VLDLR: variants seen among roughly 807,000 people sequenced by gnomAD.
VLDLR encodes very low-density lipoprotein receptor.
Under a neutral mutation model 112.7 loss-of-function variants are expected in VLDLR, and 81 were observed. The observed-to-expected ratio is 0.72, with a 90% CI of 0.60 to 0.86. The LOEUF (loss-of-function observed/expected upper bound fraction) is 0.86. VLDLR is among the 40% of genes least tolerant of loss of function. VLDLR has a pLI of 0.00. For missense variants in VLDLR, 1,237 were observed against 1,099.4 expected (o/e 1.13, Z -1.77); for synonymous variants, 436 against 384.8 (o/e 1.13, Z -1.56).
Position 2,652,647 on chromosome 9 carries a change from C to G in VLDLR, c.2417-133C>G, listed in dbSNP as rs78532680. The G allele has an allele frequency of 1.8e-3, 2,177 of 1,242,552 alleles. 41 individuals are homozygous for G. In the African/African-American group the frequency reaches 0.029, roughly 17 times the overall value. The allele number at this position is 1,242,552 out of a possible 1,614,324, so 77.0% of individuals were successfully genotyped here. ...TCCTGGCCCATGTGTATTCCAACTT[C>G]TAGTTATCCTAGCTCCATAAAACAT... is the stretch of plus-strand genomic sequence containing the variant. On this transcript the variant is annotated intron_variant, in intron 17 of 18. Transcript: ENST00000382100.
At position 2,648,859 on chromosome 9, in the gene VLDLR, A is replaced by C. The variant is rs569897746; in HGVS notation, c.2104+49A>C. ...TAATAACTACTTTAAGGGAAGCAGC[A>C]TGACACAGAACCTGCTGGATGTCAG... On this transcript the variant is annotated intron_variant, in intron 14 of 18. Transcript: ENST00000382100. 27 of 1,612,286 alleles carry C rather than the reference A, an allele frequency of 1.7e-5. 1 individual carries two copies. The South Asian group carries it at 3.0e-4, about 18-fold the overall frequency.
intron 3 of VLDLR, among the ~76,000 whole-genome samples, chr9:2,640,701 C>G (rs10967304): frequency 6.6e-6 from 1 of 152,072 alleles, no homozygotes. Context: ...CAGTTTAGGT[C>G]TAAAGTGTGA....
At chr9:2,653,422 C>G (rs11791537) in intron 18 of VLDLR, among the ~76,000 whole-genome samples, 19,146 of 152,216 alleles carry the variant, frequency 0.13, 1,638 homozygotes, top group Non-Finnish European at 0.18. Flanking sequence ...GCAATAGTCA[C>G]TCACTTGTTC....
chr9:2,652,576 C>T (rs537816311), intron 17 of VLDLR, among the ~76,000 whole-genome samples: 30 of 152,280 alleles, frequency 2.0e-4, no homozygotes, highest in African/African-American at 7.0e-4. Context: ...GTGGCTAGTC[C>T]AGCTCCAGTG....
intron 2 of VLDLR, among the ~76,000 whole-genome samples, 163 bp from the exon 3 acceptor site, chr9:2,639,695 AT>A (rs1817744666): frequency 1.3e-5 from 2 of 152,146 alleles, no homozygotes; most frequent in South Asian, 4.1e-4. Context: ...CTGAAAAAAA[AT>A]AATAATTTTT....
chr9:2,635,941 A>G (rs943926760), intron 2 of VLDLR, among the ~76,000 whole-genome samples: 13 of 137,260 alleles, frequency 9.5e-5, no homozygotes, highest in African/African-American at 3.5e-4. Flanking sequence ...AAGGCAAGCC[A>G]TGGACATGAG....
At position 2,644,762 on chromosome 9, in the gene VLDLR, T is replaced by C; in HGVS notation, c.1095T>C (p.Gly365=). 5 of 1,614,118 alleles carry C rather than the reference T, an allele frequency of 3.1e-6. No homozygotes were observed. Among genetic ancestry groups the C allele is most frequent in the African/African-American group, 1.3e-5 (1 of 75,018 alleles). ...TAAACGAATGCTTGGTAAATAATGGTGGATGTTCTCATATCTGCAAAGACC... is the reference window on the plus strand; with the variant it reads ...TAAACGAATGCTTGGTAAATAATGGCGGATGTTCTCATATCTGCAAAGACC... ...CHINECLVNN[G]GCSHICKDLV... The change falls in exon 8 of 19, where the codon GGT becomes GGC. Residue 365 remains glycine, a synonymous_variant. Transcript: ENST00000382100.
chr9:2,636,808 C>T (rs924754173), intron 2 of VLDLR, among the ~76,000 whole-genome samples: 20 of 152,256 alleles, frequency 1.3e-4, no homozygotes, highest in African/African-American at 4.8e-4. Context: ...AGTCCTCACT[C>T]TTGTCAACTA....
chr9:2,633,972 A>G (rs1817484967), intron 1 of VLDLR, among the ~76,000 whole-genome samples: 1 of 152,150 alleles, frequency 6.6e-6, no homozygotes, highest in Non-Finnish European at 1.5e-5. Context: ...TCCCTAGTAT[A>G]TTACAACCAA....
At chr9:2,631,693 G>C (rs1164466368) in intron 1 of VLDLR, among the ~76,000 whole-genome samples, 1 of 118,866 alleles carries the variant, frequency 8.4e-6, no homozygotes, top group Non-Finnish European at 1.7e-5. Flanking sequence ...AAAGGAAGTG[G>C]GTTAAAGAAT....
chr9:2,643,605 C>A (rs762013097), intron 5 of VLDLR, 23 bp from the exon 6 acceptor site: 1 of 1,614,150 alleles, frequency 6.2e-7, no homozygotes, highest in South Asian at 1.1e-5. Flanking sequence ...GGCTTCATTC[C>A]ATGGTGTTTC....
In VLDLR at chr9:2,643,260, T is replaced by C; in HGVS notation, c.549T>C (p.Ser183=). ...CNGQDDCSDG[S]DELDCAPPTC... ...GCCAGGATGACTGCAGCGATGGCAGTGATGAGCTGGACTGTGCCCCGCCAA... is the reference window on the plus strand; with the variant it reads ...GCCAGGATGACTGCAGCGATGGCAGCGATGAGCTGGACTGTGCCCCGCCAA... The change falls in exon 5 of 19, where the codon AGT becomes AGC. Residue 183 remains serine (S), a synonymous_variant. Transcript: ENST00000382100. 1 of 1,614,110 alleles carries C rather than the reference T, an allele frequency of 6.2e-7. No homozygotes were observed. The highest frequency in any genetic ancestry group is 8.5e-7 in the Non-Finnish European group (1 of 1,179,996).
chr9:2,634,285 C>T (rs988167176), intron 1 of VLDLR, among the ~76,000 whole-genome samples: 2 of 152,166 alleles, frequency 1.3e-5, no homozygotes, highest in African/African-American at 4.8e-5. Context: ...CTGTGCTTGT[C>T]TCTGTAATAT....
intron 14 of VLDLR, among the ~76,000 whole-genome samples, chr9:2,649,423 G>T (rs1400633743): frequency 1.3e-5 from 2 of 151,940 alleles, no homozygotes; most frequent in Non-Finnish European, 2.9e-5. Flanking sequence ...ACTGACTCTT[G>T]CTCTGTCACC....
At position 2,651,966 on chromosome 9, in the gene VLDLR, T is replaced by G; in HGVS notation, c.2416+12T>G. 3 of 1,613,776 alleles carry G rather than the reference T, an allele frequency of 1.9e-6. No homozygotes were observed. The highest frequency in any genetic ancestry group is 2.5e-6 in the Non-Finnish European group (3 of 1,179,752). The stretch of plus-strand genomic sequence containing the variant: ...CATTCTTCCTCTCTGTAAGTAGATT[T>G]CCTACAAGTCTGGGTTCAAGAACTT... On this transcript the variant is annotated intron_variant, in intron 17 of 18. Transcript: ENST00000382100.
chr9:2,656,296 A>AATAG lies in VLDLR; in HGVS notation c.*2432_*2435dup, dbSNP rs1818602396. On this transcript the variant is annotated 3_prime_UTR_variant, in exon 19 of 19. Coordinates refer to ENST00000382100, the MANE Select transcript of VLDLR (RefSeq NM_003383.5). ...AACTAGATATTCCTATTGAAATAAG[A>AATAG]ATAGATATATTGGTGGGCCAGGCAT... 6.6e-6 allele frequency: 1 copy of AATAG among 152,180 alleles called. No homozygotes were observed. The highest frequency in any genetic ancestry group is 1.9e-4 in the East Asian group (1 of 5,188). The allele number at this position is 152,180 out of a possible 1,614,324, so 9.4% of individuals were successfully genotyped here.
intron 2 of VLDLR, among the ~76,000 whole-genome samples, chr9:2,637,383 T>A (rs933471735): frequency 6.6e-6 from 1 of 152,216 alleles, no homozygotes; most frequent in African/African-American, 2.4e-5. Context: ...ATTAACTCAT[T>A]CTTTTATAAT....
Position 2,656,510 on chromosome 9 carries a change from G to C in VLDLR, c.*2642G>C, listed in dbSNP as rs1818615074. ...AGTCAATACAGCTTGCAATAATAGT[G>C]CATGAATGATAACAGGCCTCGGCTT... On this transcript the variant is annotated 3_prime_UTR_variant, in exon 19 of 19. Coordinates refer to ENST00000382100, the MANE Select transcript of VLDLR (RefSeq NM_003383.5). The C allele has an allele frequency of 6.6e-6, 1 of 152,128 alleles. No homozygotes were observed. The highest frequency in any genetic ancestry group is 1.5e-5 in the Non-Finnish European group (1 of 68,032). 9.4% of individuals were successfully genotyped at this position (152,128 alleles called of 1,614,324 possible). A position where few individuals can be genotyped will look rare whatever the true frequency, so the allele number is the denominator to read the frequency against.
At chr9:2,638,545 G>A (rs973337564) in intron 2 of VLDLR, among the ~76,000 whole-genome samples, 1 of 152,168 alleles carries the variant, frequency 6.6e-6, no homozygotes, top group Non-Finnish European at 1.5e-5. Context: ...ATCTAAGAAA[G>A]ATAAGCTTAG....
Sources: gnomAD v4.1 joint callset for allele counts (sites outside exome capture counted in the v4.1 genomes callset) on GRCh38, gnomAD v4.1.1 for gene constraint, MANE v1.5 for transcripts, NCBI Gene and HGNC (gene_info 2026-07-23, HGNC 2026-07-21) for gene names.